Variants in WDR4 observed in about 807,000 individuals in gnomAD.
The protein encoded by WDR4 is WDR4 tRNA N7-guanosine methyltransferase non-catalytic subunit.
Under a neutral mutation model 48.6 loss-of-function variants are expected in WDR4, and 47 were observed. That is an observed-to-expected ratio of 0.97 (90% CI 0.77 to 1.23). The LOEUF is 1.23. Ranked by LOEUF, WDR4 falls within the 50% of genes most tolerant of loss-of-function variation. WDR4 has a pLI of 0.00. For synonymous variants in WDR4, 268 were observed against 230.0 expected, an observed-to-expected ratio of 1.17 and a Z score of -1.49; for missense variants, 606 against 551.6, an observed-to-expected ratio of 1.10 and a Z score of -0.99.
chr21:42,849,983 G>T lies in WDR4; in HGVS notation c.*66C>A. ...TTTCCTTCTTGAAGGGACATGCCAG[G>T]ATGCAGGGGAACAAGTTAAAAAGCT... On this transcript the variant is annotated 3_prime_UTR_variant, in exon 11 of 11. Transcript: ENST00000398208. The T allele has an allele frequency of 6.3e-7, 1 of 1,587,908 alleles. No homozygotes were observed. The highest frequency in any genetic ancestry group is 8.6e-7 in the Non-Finnish European group (1 of 1,165,492).
downstream of WDR4, among the ~76,000 whole-genome samples, chr21:42,848,946 G>A (rs538618870): frequency 7.1e-5 from 8 of 113,084 alleles, no homozygotes; most frequent in East Asian, 9.0e-4. Context: ...CACAGCACAC[G>A]ATCACGCGGC....
chr21:42,851,213 C>T (rs904817908), intron 10 of WDR4, among the ~76,000 whole-genome samples: 3 of 152,076 alleles, frequency 2.0e-5, no homozygotes, highest in African/African-American at 4.8e-5. Flanking sequence ...TGCAGATGCC[C>T]GGCCATGAGC....
downstream of WDR4, among the ~76,000 whole-genome samples, chr21:42,848,660 C>T (rs1050904097): frequency 8.3e-6 from 1 of 120,928 alleles, no homozygotes; most frequent in Non-Finnish European, 1.7e-5. Context: ...CGCACGATCA[C>T]GCGGCGCGCA....
chr21:42,849,214 G>A (rs879556236), downstream of WDR4: 83 of 152,670 alleles, frequency 5.4e-4, no homozygotes, highest in Non-Finnish European at 1.0e-3. Context: ...CACACACAGC[G>A]CAGGCACCAA....
At chr21:42,846,536 C>G (rs781068130), downstream of WDR4, among the ~76,000 whole-genome samples, 1 of 152,182 alleles carries the variant, frequency 6.6e-6, no homozygotes, top group Non-Finnish European at 1.5e-5. Flanking sequence ...ATGTACAGTA[C>G]GCACACTGTA....
At chr21:42,858,510 G>T (rs940860171) in intron 6 of WDR4, among the ~76,000 whole-genome samples, 1 of 152,190 alleles carries the variant, frequency 6.6e-6, no homozygotes, top group East Asian at 1.9e-4. Flanking sequence ...GAGATTAAAG[G>T]TATTTCCAGA....
chr21:42,859,572 T>TCCACAGGGGCCAGCGAA, intron 6 of WDR4, 90 bp downstream of exon 6: 1 of 1,385,778 alleles, frequency 7.2e-7, no homozygotes. Flanking sequence ...GGGCCAGCGA[T>TCCACAGGGGCCAGCGAA]CCACAGGGGC....
At chr21:42,845,032 G>A (rs1010616612), downstream of WDR4, among the ~76,000 whole-genome samples, 3 of 152,214 alleles carry the variant, frequency 2.0e-5, no homozygotes, top group Non-Finnish European at 2.9e-5. Flanking sequence ...AGGGTCACAC[G>A]GCAGGGCTGA....
chr21:42,868,319 G>A (rs907149524), intron 3 of WDR4, among the ~76,000 whole-genome samples: 6 of 152,172 alleles, frequency 3.9e-5, no homozygotes, highest in Non-Finnish European at 7.3e-5. Context: ...ACTACCTCTG[G>A]ACAGCAAGCT....
chr21:42,891,492 T>C, the WDR4 span, among the ~76,000 whole-genome samples: 8 of 152,114 alleles, frequency 5.3e-5, no homozygotes, highest in Admixed American at 4.6e-4. Context: ...TGCCCGCTGG[T>C]GGTGGTGTGG....
upstream of WDR4, chr21:42,879,979 A>G: frequency 5.1e-6 from 2 of 390,412 alleles, no homozygotes; most frequent in Non-Finnish European, 9.1e-6. Context: ...AAAGTACAAA[A>G]ATTTGTTGGG....
intron 4 of WDR4, 106 bp downstream of exon 4, chr21:42,863,334 C>A: frequency 7.2e-7 from 1 of 1,395,338 alleles, no homozygotes; most frequent in Non-Finnish European, 9.8e-7. Context: ...GGTGCCTGAG[C>A]CTTGACAGGG....
At chr21:42,888,129 A>T in the WDR4 span, among the ~76,000 whole-genome samples, 3 of 152,098 alleles carry the variant, frequency 2.0e-5, no homozygotes, top group Admixed American at 2.0e-4. Flanking sequence ...CCTACAAAAA[A>T]TTTTTCAATA....
intron 3 of WDR4, among the ~76,000 whole-genome samples, chr21:42,870,582 G>A (rs1339460618): frequency 1.3e-5 from 2 of 149,056 alleles, no homozygotes; most frequent in Non-Finnish European, 3.0e-5. Flanking sequence ...TGAGGTCAGA[G>A]TTCGAAACCA....
chr21:42,879,308 G>A (rs1365741084), intron 1 of WDR4, 99 bp downstream of exon 1: 14 of 1,537,732 alleles, frequency 9.1e-6, no homozygotes, highest in South Asian at 8.5e-5. Flanking sequence ...GGTCACCCCA[G>A]AGTGGGTGCG....
the WDR4 span, among the ~76,000 whole-genome samples, chr21:42,888,488 A>T: frequency 6.6e-6 from 1 of 152,126 alleles, no homozygotes; most frequent in South Asian, 2.1e-4. Flanking sequence ...GAGCCTGAGA[A>T]AGTCAAGGAT....
At chr21:42,868,261 C>T (rs553543228) in intron 3 of WDR4, among the ~76,000 whole-genome samples, 9 of 152,308 alleles carry the variant, frequency 5.9e-5, no homozygotes, top group African/African-American at 2.2e-4. Flanking sequence ...CAGGACACAG[C>T]GGGCAGGCAG....
chr21:42,862,694 C>T lies in WDR4; in HGVS notation c.454-300G>A, dbSNP rs2058147272. Among the ~76,000 whole-genome samples the T allele has an allele frequency of 6.6e-6, 1 of 152,180 alleles. No homozygotes were observed. Among genetic ancestry groups the T allele is most frequent in the Admixed American group, 6.5e-5 (1 of 15,286 alleles). ...TCTCCCGCACCTTGGCAAATCCAGG[C>T]CCCACGCCCATTTCCACCCGCCACA... On this transcript the variant is annotated intron_variant, in intron 4 of 10. Coordinates refer to ENST00000398208, the MANE Select transcript of WDR4 (RefSeq NM_018669.6). The surrounding 1 kb of genome is among the most constrained non-coding windows in gnomAD (Gnocchi z 4.3).
In WDR4 at chr21:42,863,616, C is replaced by G; in HGVS notation, c.297-20G>C. ...ACGGTCCTAGAAGGCCAGAAAGACA[C>G]CCCCATTAGCTTCCAGGAGCAGCGC... On this transcript the variant is annotated intron_variant, in intron 3 of 10. Coordinates refer to ENST00000398208, the MANE Select transcript of WDR4 (RefSeq NM_018669.6). 3 of 1,605,312 alleles carry G rather than the reference C, an allele frequency of 1.9e-6. No homozygotes were observed. The highest frequency in any genetic ancestry group is 2.6e-6 in the Non-Finnish European group (3 of 1,174,094).
Sources: gnomAD v4.1 joint callset for allele counts (sites outside exome capture counted in the v4.1 genomes callset) on GRCh38, gnomAD v4.1.1 for gene constraint, Gnocchi (gnomAD v3.1) non-coding constraint, MANE v1.5 for transcripts, NCBI Gene and HGNC (gene_info 2026-07-23, HGNC 2026-07-21) for gene names.